The following SLC9A2 variants were observed in gnomAD, a reference collection of about 807,000 sequenced individuals.
SLC9A2 encodes the protein sodium/hydrogen exchanger 2.
SLC9A2 carries 42 observed loss-of-function variants against 71.7 expected under a neutral mutation model. That is an observed-to-expected ratio of 0.59 (90% CI 0.46 to 0.76). The LOEUF (loss-of-function observed/expected upper bound fraction) is 0.76, where lower values mean the gene tolerates loss of function less well. Ranked by LOEUF, SLC9A2 falls within the 30% of genes least tolerant of loss-of-function variation. SLC9A2 has a pLI of 0.00. For synonymous variants in SLC9A2, 396 were observed against 392.5 expected, an observed-to-expected ratio of 1.01 and a Z score of -0.10; for missense variants, 829 against 1,017.4, an observed-to-expected ratio of 0.81 and a Z score of 2.52.
intron 1 of SLC9A2, among the ~76,000 whole-genome samples, chr2:102,624,297 C>G (rs1285308658): frequency 6.6e-6 from 1 of 152,146 alleles, no homozygotes; most frequent in Non-Finnish European, 1.5e-5. Context: ...TCACATTATT[C>G]TTTCACTTTG....
chr2:102,619,960 A>G lies in SLC9A2; in HGVS notation c.112A>G (p.Asn38Asp). ...GGGCGCCCTGGCGGAGACCTTGCTG[A>G]ACGCGCCGAGGGCCATGGGCACCAG... ...PVGALAETLL[N>D]APRAMGTSSS... Residue 38 changes from asparagine to aspartate, a missense_variant, in exon 1 of 12, where the codon AAC becomes GAC. Physicochemically the swap from Asn to Asp is conservative, Grantham distance 23. Coordinates refer to ENST00000233969, the MANE Select transcript of SLC9A2 (RefSeq NM_003048.6). The surrounding 1 kb of genome is among the most constrained non-coding windows in gnomAD (Gnocchi z 4.3). The G allele has an allele frequency of 6.2e-7, 1 of 1,612,402 alleles. No individual in the cohort carries two copies. The highest frequency in any genetic ancestry group is 1.3e-5 in the African/African-American group (1 of 75,018).
At chr2:102,662,244 G>A (rs1436258789) in intron 2 of SLC9A2, among the ~76,000 whole-genome samples, 2 of 152,206 alleles carry the variant, frequency 1.3e-5, no homozygotes, top group Non-Finnish European at 1.5e-5. Flanking sequence ...TGATAGATTT[G>A]ATGCATTAAG....
At chr2:102,678,509 T>C (rs6543178) in intron 3 of SLC9A2, among the ~76,000 whole-genome samples, 99,633 of 152,034 alleles carry the variant, frequency 0.66, 33,266 homozygotes, top group East Asian at 0.86. Flanking sequence ...TCTATTTAGG[T>C]TATTATTTTG....
chr2:102,624,868 A>T (rs1413202016), intron 1 of SLC9A2, among the ~76,000 whole-genome samples: 1 of 152,170 alleles, frequency 6.6e-6, no homozygotes, highest in African/African-American at 2.4e-5. Flanking sequence ...GGCTATCCTG[A>T]AATTGAAATA....
chr2:102,674,270 G>T (rs1023565594), intron 3 of SLC9A2, among the ~76,000 whole-genome samples: 3 of 152,122 alleles, frequency 2.0e-5, no homozygotes, highest in African/African-American at 7.2e-5. Context: ...GCCCTTCCTT[G>T]ACATGATACG....
chr2:102,643,447 CT>C (rs1676650890), intron 1 of SLC9A2, among the ~76,000 whole-genome samples: 1 of 152,156 alleles, frequency 6.6e-6, no homozygotes, highest in African/African-American at 2.4e-5. Flanking sequence ...GAGGTTGACT[CT>C]TCCCTATTCT....
chr2:102,682,217 T>G (rs1558718653), intron 3 of SLC9A2, among the ~76,000 whole-genome samples: 1 of 152,152 alleles, frequency 6.6e-6, no homozygotes, highest in Non-Finnish European at 1.5e-5. Flanking sequence ...AGTAACCGTG[T>G]CTCCTTAGAC....
chr2:102,648,397 G>T (rs1033453333), intron 1 of SLC9A2, among the ~76,000 whole-genome samples: 8 of 152,088 alleles, frequency 5.3e-5, no homozygotes, highest in African/African-American at 1.9e-4. Flanking sequence ...TACTGAAAGG[G>T]TCAAAATCTA....
intron 1 of SLC9A2, among the ~76,000 whole-genome samples, chr2:102,634,732 A>G (rs1018423627): frequency 6.6e-6 from 1 of 152,156 alleles, no homozygotes; most frequent in African/African-American, 2.4e-5. Context: ...GCTTTTGCTA[A>G]GTTGTTTGCA....
chr2:102,709,182 G>A lies in SLC9A2; in HGVS notation c.*693G>A, dbSNP rs1678051871. On this transcript the variant is annotated 3_prime_UTR_variant, in exon 12 of 12. Transcript: ENST00000233969. ...TAACTTGTTCCTCTGTCTACTGTGT[G>A]TTTGGGGGTGACATCTAAATTCCAT... 6.6e-6 allele frequency: 1 copy of A among 152,442 alleles called. No individual in the cohort carries two copies. Among genetic ancestry groups the A allele is most frequent in the Admixed American group, 6.5e-5 (1 of 15,284 alleles). 9.4% of individuals were successfully genotyped at this position (152,442 alleles called of 1,614,324 possible).
At position 102,629,276 on chromosome 2, in the gene SLC9A2, T is replaced by C. The variant is rs188366575; in HGVS notation, c.289+9139T>C. ...CAGAGTGAGTTCTTCCTTTAATTATTAAGTTTTTAACTTCCTTATTTCCAG... is the reference window on the plus strand; with the variant it reads ...CAGAGTGAGTTCTTCCTTTAATTATCAAGTTTTTAACTTCCTTATTTCCAG... On this transcript the variant is annotated intron_variant, in intron 1 of 11. Coordinates refer to ENST00000233969, the MANE Select transcript of SLC9A2 (RefSeq NM_003048.6). 2.0e-3 allele frequency among the ~76,000 whole-genome samples: 300 copies of C among 152,306 alleles called. 1 individual carries two copies. The highest frequency in any genetic ancestry group is 7.1e-3 in the African/African-American group (294 of 41,588).
At chr2:102,658,789 C>G (rs949459098) in intron 2 of SLC9A2, among the ~76,000 whole-genome samples, 1 of 152,034 alleles carries the variant, frequency 6.6e-6, no homozygotes. Context: ...GATGAGAAAG[C>G]CTCTCCTTTT....
intron 1 of SLC9A2, among the ~76,000 whole-genome samples, chr2:102,631,022 C>G (rs530125239): frequency 4.0e-5 from 6 of 151,816 alleles, no homozygotes; most frequent in Admixed American, 3.9e-4. Flanking sequence ...ATTTGGTAAA[C>G]GTCTGTTTTC....
chr2:102,693,910 T>A (rs1279538043), intron 5 of SLC9A2, among the ~76,000 whole-genome samples: 1 of 152,172 alleles, frequency 6.6e-6, no homozygotes, highest in Non-Finnish European at 1.5e-5. Flanking sequence ...ATTGATAAGT[T>A]TTCTATGGAT....
At chr2:102,632,114 A>G (rs1346547078) in intron 1 of SLC9A2, among the ~76,000 whole-genome samples, 1 of 81,894 alleles carries the variant, frequency 1.2e-5, no homozygotes, top group Admixed American at 1.4e-4. Flanking sequence ...ATATATATGT[A>G]TATATACATA....
intron 1 of SLC9A2, among the ~76,000 whole-genome samples, chr2:102,624,280 T>A (rs1676200224): frequency 6.6e-6 from 1 of 152,252 alleles, no homozygotes; most frequent in African/African-American, 2.4e-5. Context: ...TCCTTGCACA[T>A]GTGAATTCAC....
chr2:102,682,848 T>G (rs988720718), intron 3 of SLC9A2, among the ~76,000 whole-genome samples: 2 of 152,208 alleles, frequency 1.3e-5, no homozygotes, highest in Non-Finnish European at 2.9e-5. Context: ...TTTTATACAA[T>G]AGAATCCTTT....
At chr2:102,669,600 G>A (rs1421376022) in intron 3 of SLC9A2, among the ~76,000 whole-genome samples, 1 of 152,210 alleles carries the variant, frequency 6.6e-6, no homozygotes, top group African/African-American at 2.4e-5. Context: ...AGCAGGGCAT[G>A]AGAGGTGACT....
chr2:102,677,624 T>C (rs1200842598), intron 3 of SLC9A2, among the ~76,000 whole-genome samples: 1 of 152,210 alleles, frequency 6.6e-6, no homozygotes, highest in Non-Finnish European at 1.5e-5. Flanking sequence ...AGAGAAAATA[T>C]ATTCATATTG....
Sources: allele counts gnomAD v4.1 joint callset (sites outside exome capture counted in the v4.1 genomes callset), GRCh38; gene constraint gnomAD v4.1.1; non-coding constraint Gnocchi (gnomAD v3.1); transcripts MANE v1.5; gene names NCBI Gene and HGNC (gene_info 2026-07-23, HGNC 2026-07-21).